PDILT: variants seen among roughly 807,000 people sequenced by gnomAD.
PDILT encodes protein disulfide isomerase like, testis expressed.
A neutral mutation model predicts 53.7 loss-of-function variants in PDILT; 43 were observed. The ratio of observed to expected loss-of-function variants is 0.80; its 90% CI spans 0.63 to 1.03. The LOEUF (loss-of-function observed/expected upper bound fraction) is 1.03. Among genes scored for constraint, PDILT ranks in the 50% least tolerant of loss-of-function variants. The pLI is 0.00. For missense variants in PDILT, 727 were observed against 712.3 expected, an observed-to-expected ratio of 1.02 and a Z score of -0.24; for synonymous variants, 282 against 274.2, an observed-to-expected ratio of 1.03 and a Z score of -0.28.
At chr16:20,397,977 T>C (rs1966683596) in intron 2 of PDILT, among the ~76,000 whole-genome samples, 1 of 152,124 alleles carries the variant, frequency 6.6e-6, no homozygotes, top group Non-Finnish European at 1.5e-5. Flanking sequence ...ATACAGAACA[T>C]GGGACAACAT....
chr16:20,384,569 C>A, intron 3 of PDILT, 76 bp downstream of exon 3: 1 of 1,563,908 alleles, frequency 6.4e-7, no homozygotes. Context: ...GGAGCAGAGC[C>A]TCCCACCTTT....
intron 3 of PDILT, among the ~76,000 whole-genome samples, chr16:20,384,260 A>G (rs2063769249): frequency 6.6e-6 from 1 of 152,238 alleles, no homozygotes; most frequent in Non-Finnish European, 1.5e-5. Flanking sequence ...TTCAAGCTGT[A>G]GTAGAAGCAG....
chr16:20,373,355 A>G (rs947075513), intron 5 of PDILT, among the ~76,000 whole-genome samples: 1 of 152,200 alleles, frequency 6.6e-6, no homozygotes, highest in African/African-American at 2.4e-5. Context: ...GCAGGCCACA[A>G]GGAGTGTAAT....
At chr16:20,399,566 G>T (rs554626928) in intron 1 of PDILT, among the ~76,000 whole-genome samples, 1 of 152,084 alleles carries the variant, frequency 6.6e-6, no homozygotes, top group Non-Finnish European at 1.5e-5. Context: ...TGAAGCAAAC[G>T]CAGACCACTC....
chr16:20,382,621 G>A (rs145662126), intron 3 of PDILT, among the ~76,000 whole-genome samples: 1 of 152,202 alleles, frequency 6.6e-6, no homozygotes, highest in Non-Finnish European at 1.5e-5. Flanking sequence ...TTATATTGGG[G>A]TGTTATGACA....
At chr16:20,400,132 C>T (rs1021183598) in intron 1 of PDILT, among the ~76,000 whole-genome samples, 2 of 151,462 alleles carry the variant, frequency 1.3e-5, no homozygotes, top group Non-Finnish European at 2.9e-5. Context: ...CACGGTCTCA[C>T]CTCACTGCGA....
chr16:20,361,205 T>TTTTTTTTTTTTTTG lies in PDILT; in HGVS notation c.1417-549_1417-548insCAAAAAAAAAAAAA, dbSNP rs5816105. On this transcript the variant is annotated intron_variant, in intron 10 of 11. Transcript: ENST00000302451. ...TCCCTTTCCTCTTTTTTTTTTTTTT[T>TTTTTTTTTTTTTTG]ATATGGAATCTTGCTCTGTCACCAT... 1.0e-4 allele frequency among the ~76,000 whole-genome samples: 14 copies of TTTTTTTTTTTTTTG among 134,782 alleles called. 1 individual carries two copies. The highest frequency in any genetic ancestry group is 1.7e-4 in the African/African-American group (6 of 35,312). The allele number at this position is 134,782 out of a possible 152,430, so 88.4% of individuals were successfully genotyped here.
chr16:20,384,544 C>T, intron 3 of PDILT, 101 bp downstream of exon 3: 1 of 1,398,082 alleles, frequency 7.2e-7, no homozygotes, highest in Non-Finnish European at 9.9e-7. Context: ...ATCCTGGGTC[C>T]CCGAGAAGCT....
chr16:20,381,584 C>T (rs1423868149), intron 3 of PDILT, among the ~76,000 whole-genome samples: 4 of 147,034 alleles, frequency 2.7e-5, no homozygotes, highest in East Asian at 2.0e-4. Context: ...TGCAGTGAGC[C>T]GAGATCGCAC....
At position 20,359,415 on chromosome 16, in the gene PDILT, C is replaced by T. The variant is rs1212122768; in HGVS notation, c.1659G>A (p.Gly553=). ...CCACCTCCTCAGATGTTTTCTTCTT[C>T]CCAGCGGGCTCTTCCAGCTTGGATA... The part of the protein sequence containing the change: ...KYVSKLEEPA[G]KKKTSEEVVV... The change falls in exon 12 of 12, where the codon GGG becomes GGA. Residue 553 remains glycine (G), a synonymous_variant. Coordinates refer to ENST00000302451, the MANE Select transcript of PDILT (RefSeq NM_174924.2). The T allele has an allele frequency of 6.2e-7, 1 of 1,614,198 alleles. No homozygotes were observed. The highest frequency in any genetic ancestry group is 8.5e-7 in the Non-Finnish European group (1 of 1,180,036).
At chr16:20,399,565 C>T (rs919616785) in intron 1 of PDILT, among the ~76,000 whole-genome samples, 3 of 152,088 alleles carry the variant, frequency 2.0e-5, no homozygotes, top group Admixed American at 2.0e-4. Flanking sequence ...CTGAAGCAAA[C>T]GCAGACCACT....
chr16:20,377,437 C>A lies in PDILT; in HGVS notation c.410-1236G>T, dbSNP rs1264265948. On this transcript the variant is annotated intron_variant, in intron 3 of 11. Coordinates refer to ENST00000302451, the MANE Select transcript of PDILT (RefSeq NM_174924.2). ...TTACTATCAAGTGCTGTACTCAGCC[C>A]TGGAGATATAAGGATGAACAGAAAC... Among the ~76,000 whole-genome samples the A allele has an allele frequency of 2.0e-5, 3 of 152,092 alleles. No homozygotes were observed. In the East Asian group the frequency reaches 5.8e-4, roughly 29 times the overall value.
At position 20,400,270 on chromosome 16, in the gene PDILT, C is replaced by T. The variant is rs191252503; in HGVS notation, c.-7-963G>A. Among the ~76,000 whole-genome samples, 488 of 151,786 alleles carry T rather than the reference C, an allele frequency of 3.2e-3. 1 individual carries two copies. Among genetic ancestry groups the T allele is most frequent in the African/African-American group, 0.011 (463 of 41,392 alleles). ...TTGTATTTTTAGTAGAGATGGGGTT[C>T]CACCATGTTGGCCAGGCTGGTCTCG... is the stretch of plus-strand genomic sequence containing the variant. On this transcript the variant is annotated intron_variant, in intron 1 of 11. Transcript: ENST00000302451.
chr16:20,401,735 G>C (rs561762148), intron 1 of PDILT, among the ~76,000 whole-genome samples: 1 of 152,212 alleles, frequency 6.6e-6, no homozygotes, highest in Admixed American at 6.5e-5. Flanking sequence ...CTGAACCATG[G>C]GCCCAGCTCA....
At chr16:20,367,997 T>C (rs1324292781) in intron 8 of PDILT, among the ~76,000 whole-genome samples, 1 of 151,838 alleles carries the variant, frequency 6.6e-6, no homozygotes, top group African/African-American at 2.4e-5. Context: ...ATCAGAGCAA[T>C]GAATGATGGA....
intron 2 of PDILT, chr16:20,385,986 G>T (rs1966531322): frequency 6.6e-6 from 1 of 152,216 alleles, no homozygotes. Context: ...CAGTTGCCCT[G>T]CATGTAATTG....
intron 10 of PDILT, among the ~76,000 whole-genome samples, chr16:20,361,925 G>C (rs1596576049): frequency 6.6e-6 from 1 of 152,204 alleles, no homozygotes; most frequent in South Asian, 2.1e-4. Context: ...CCCATGCATG[G>C]ACATGGCATG....
chr16:20,402,290 A>ATCTTTTCTTTTCTTTTCTTTTCTTT (rs57705875), intron 1 of PDILT, among the ~76,000 whole-genome samples: 2,488 of 149,612 alleles, frequency 0.017, 69 homozygotes, highest in Admixed American at 0.066. Context: ...AGGAGTGTTG[A>ATCTTTTCTTTTCTTTTCTTTTCTTT]TCTTTTCTTT....
At chr16:20,369,722 G>T in intron 7 of PDILT, 33 bp from the exon 8 acceptor site, 1 of 1,609,680 alleles carries the variant, frequency 6.2e-7, no homozygotes, top group South Asian at 1.1e-5. Context: ...TGTCTCTCTG[G>T]ATCCTTTGCC....
Sources: allele counts gnomAD v4.1 joint callset (sites outside exome capture counted in the v4.1 genomes callset), GRCh38; gene constraint gnomAD v4.1.1; transcripts MANE v1.5; gene names NCBI Gene and HGNC (gene_info 2026-07-23, HGNC 2026-07-21).